The following MN1 variants were observed in gnomAD, a reference collection of about 807,000 sequenced individuals.
MN1 encodes the protein transcriptional activator MN1.
Under a neutral mutation model 86.9 loss-of-function variants are expected in MN1, and 19 were observed. That is an observed-to-expected ratio of 0.22 (90% CI 0.15 to 0.32). The LOEUF is 0.32. Among genes scored for constraint, MN1 ranks in the 10% least tolerant of loss-of-function variants. The pLI, the probability that MN1 is intolerant of heterozygous loss-of-function variation, is 1.00. For synonymous variants in MN1, 928 were observed against 849.6 expected (o/e 1.09, Z -1.60); for missense variants, 1,841 against 1,862.0 (o/e 0.99, Z 0.21).
Position 27,798,185 on chromosome 22 carries a change from G to A in MN1, c.2359C>T (p.Pro787Ser). The change falls in exon 1 of 2, where the codon CCG becomes TCG. Residue 787 changes from proline (P) to serine (S), a missense_variant. Pro to Ser is a moderately conservative substitution (Grantham distance 74). Coordinates refer to ENST00000302326, the MANE Select transcript of MN1 (RefSeq NM_002430.3). ...GGGGGGGAYP[P>S]QPDFQPSQRT... ...TGGCTGGGCTGGAAATCAGGCTGCGGCGGGTAGGCACCCCCGCCACCGCCG... is the reference window on the plus strand; with the variant it reads ...TGGCTGGGCTGGAAATCAGGCTGCGACGGGTAGGCACCCCCGCCACCGCCG... 1 of 1,559,216 alleles carries A rather than the reference G, an allele frequency of 6.4e-7. No homozygotes were observed. The highest frequency in any genetic ancestry group is 8.6e-7 in the Non-Finnish European group (1 of 1,160,014).
At chr22:27,773,068 A>G (rs1220786348) in intron 1 of MN1, among the ~76,000 whole-genome samples, 1 of 151,768 alleles carries the variant, frequency 6.6e-6, no homozygotes, top group Non-Finnish European at 1.5e-5. Flanking sequence ...GGCCCCGAAC[A>G]GGCCGGGAAG....
Position 27,797,428 on chromosome 22 carries a change from G to A in MN1, c.3116C>T (p.Pro1039Leu). Residue 1039 changes from proline to leucine, a missense_variant, in exon 1 of 2, where the codon CCA becomes CTA. Transcript: ENST00000302326. ...DGGAKSDSSS[P>L]NVGEFASDEV... ...GTCCGAGGCGAACTCACCCACGTTT[G>A]GCGAACTACTGTCCGACTTGGCCCC... is the stretch of plus-strand genomic sequence containing the variant. 1 of 1,610,252 alleles carries A rather than the reference G, an allele frequency of 6.2e-7. No homozygotes were observed. Among genetic ancestry groups the A allele is most frequent in the Non-Finnish European group, 8.5e-7 (1 of 1,178,734 alleles).
intron 1 of MN1, among the ~76,000 whole-genome samples, chr22:27,752,231 T>C (rs1932771989): frequency 6.6e-6 from 1 of 152,178 alleles, no homozygotes; most frequent in Admixed American, 6.5e-5. Context: ...CACCTCCTTA[T>C]GATGGCTAGT....
chr22:27,776,147 A>T (rs1386424899), intron 1 of MN1, among the ~76,000 whole-genome samples: 1 of 152,156 alleles, frequency 6.6e-6, no homozygotes, highest in Non-Finnish European at 1.5e-5. Flanking sequence ...ATCACCGGGC[A>T]CCACTAAATT....
intron 1 of MN1, among the ~76,000 whole-genome samples, chr22:27,766,309 C>T (rs757332857): frequency 4.4e-4 from 67 of 152,142 alleles, no homozygotes; most frequent in African/African-American, 1.5e-3. Flanking sequence ...GAGGATTGAG[C>T]GATGCTGACT....
intron 1 of MN1, among the ~76,000 whole-genome samples, chr22:27,795,708 T>A (rs184093321): frequency 7.0e-6 from 1 of 143,088 alleles, no homozygotes; most frequent in Admixed American, 6.9e-5. Flanking sequence ...TACCTATATA[T>A]ACACCTATAT....
chr22:27,771,107 T>A (rs1386492264), intron 1 of MN1, among the ~76,000 whole-genome samples: 1 of 151,774 alleles, frequency 6.6e-6, no homozygotes, highest in African/African-American at 2.4e-5. Flanking sequence ...GGTGGCAAAC[T>A]ACAGCCCAGT....
chr22:27,799,424 A>C lies in MN1; in HGVS notation c.1120T>G (p.Cys374Gly). ...TGGGGCCGAGGGAGCGCAGGCGGGC[A>C]CGAATTTTGTCGGACTAGAAGCCCG... ...PPGLLVRQNS[C>G]PPALPRPQQG... The change falls in exon 1 of 2, where the codon TGC becomes GGC. Residue 374 changes from cysteine (C) to glycine (G), a missense_variant. Physicochemically the swap from Cys to Gly is radical, Grantham distance 159. Coordinates refer to ENST00000302326, the MANE Select transcript of MN1 (RefSeq NM_002430.3). The C allele has an allele frequency of 6.8e-7, 1 of 1,478,588 alleles. No individual in the cohort carries two copies. Among genetic ancestry groups the C allele is most frequent in the East Asian group, 2.4e-5 (1 of 41,286 alleles). 91.6% of individuals were successfully genotyped at this position (1,478,588 alleles called of 1,614,324 possible). A position where few individuals can be genotyped will look rare whatever the true frequency, so the allele number is the denominator to read the frequency against.
In MN1 at chr22:27,799,559, G is replaced by A. The variant is rs1205058464; in HGVS notation, c.985C>T (p.Pro329Ser). The A allele has an allele frequency of 1.4e-6, 2 of 1,475,342 alleles. No individual in the cohort carries two copies. The highest frequency in any genetic ancestry group is 2.5e-5 in the Admixed American group (1 of 39,272). The allele number at this position is 1,475,342 out of a possible 1,614,324, so 91.4% of individuals were successfully genotyped here. The stretch of plus-strand genomic sequence containing the variant: ...AACGGGTGCCTGGAGCCCACTGAGG[G>A]CTCCAGACCCACAGGCATCTTTCTG... ...GARKMPVGLE[P>S]SVGSRHPLMQ... Residue 329 changes from proline to serine, a missense_variant, in exon 1 of 2, where the codon CCC becomes TCC. Coordinates refer to ENST00000302326, the MANE Select transcript of MN1 (RefSeq NM_002430.3).
intron 1 of MN1, among the ~76,000 whole-genome samples, chr22:27,775,290 T>A (rs772545779): frequency 6.6e-6 from 1 of 152,088 alleles, no homozygotes; most frequent in African/African-American, 2.4e-5. Flanking sequence ...ATCCAAACAC[T>A]GTATGTGAGT....
intron 1 of MN1, among the ~76,000 whole-genome samples, chr22:27,785,349 G>A (rs1252131600): frequency 1.3e-5 from 2 of 152,200 alleles, no homozygotes; most frequent in Non-Finnish European, 2.9e-5. Flanking sequence ...CAAAAACACA[G>A]GCAGGGATGG....
At position 27,748,632 on chromosome 22, in the gene MN1, A is replaced by G; in HGVS notation, c.*2283T>C. On this transcript the variant is annotated 3_prime_UTR_variant, in exon 2 of 2. Transcript: ENST00000302326. ...TAGGGTGTGTTTTTCATTTACTTTTATTCTTTCCATTAAACCAAATTTAAT... is the reference window on the plus strand; with the variant it reads ...TAGGGTGTGTTTTTCATTTACTTTTGTTCTTTCCATTAAACCAAATTTAAT... The G allele has an allele frequency of 9.5e-6, 2 of 210,576 alleles. No homozygotes were observed. Among genetic ancestry groups the G allele is most frequent in the Non-Finnish European group, 1.9e-5 (2 of 103,336 alleles). The allele number at this position is 210,576 out of a possible 1,614,324, so 13.0% of individuals were successfully genotyped here.
At chr22:27,778,509 G>A (rs536592982) in intron 1 of MN1, among the ~76,000 whole-genome samples, 1 of 152,226 alleles carries the variant, frequency 6.6e-6, no homozygotes, top group Non-Finnish European at 1.5e-5. Context: ...TGCAGGAGGA[G>A]AAGCATCTGT....
At chr22:27,753,547 C>T (rs1018912589) in intron 1 of MN1, among the ~76,000 whole-genome samples, 3 of 152,206 alleles carry the variant, frequency 2.0e-5, no homozygotes, top group Admixed American at 6.5e-5. Context: ...CCTAAAGCCC[C>T]ACTACTTCCT....
chr22:27,785,232 TGAA>T (rs748962063), intron 1 of MN1, among the ~76,000 whole-genome samples: 5 of 152,326 alleles, frequency 3.3e-5, no homozygotes, highest in Admixed American at 1.3e-4. Context: ...TGTCTCAATT[TGAA>T]AAGCGAGAAT....
intron 1 of MN1, among the ~76,000 whole-genome samples, chr22:27,769,446 C>G (rs1932896082): frequency 6.6e-6 from 1 of 151,684 alleles, no homozygotes; most frequent in Non-Finnish European, 1.5e-5. Flanking sequence ...CATTAAAACT[C>G]TGGATGGTGG....
Position 27,798,253 on chromosome 22 carries a change from T to C in MN1, c.2291A>G (p.Asn764Ser). 1 of 1,521,172 alleles carries C rather than the reference T, an allele frequency of 6.6e-7. No individual in the cohort carries two copies. The highest frequency in any genetic ancestry group is 2.2e-4 in the Middle Eastern group (1 of 4,532). The allele number at this position is 1,521,172 out of a possible 1,614,324, so 94.2% of individuals were successfully genotyped here. A position where few individuals can be genotyped will look rare whatever the true frequency, so the allele number is the denominator to read the frequency against. ...QSTPHSGPGVNSPPSAGGGGG... is the reference protein window; with the variant it reads ...QSTPHSGPGVSSPPSAGGGGG... ...GCCCCCTCCCGCGCTGGGGGGCGAG[T>C]TCACGCCTGGACCGCTGTGCGGCGT... The change falls in exon 1 of 2, where the codon AAC (asparagine) becomes AGC (serine). Residue 764 changes from asparagine to serine, a missense_variant. Transcript: ENST00000302326.
chr22:27,796,994 C>G lies in MN1; in HGVS notation c.3550G>C (p.Glu1184Gln), dbSNP rs45589739. 6,912 of 1,612,628 alleles carry G rather than the reference C, an allele frequency of 4.3e-3. 18 individuals are homozygous for G. The highest frequency in any genetic ancestry group is 5.0e-3 in the Non-Finnish European group (5,854 of 1,179,698). Reference protein sequence around the residue: ...PLGLKGGKKGECAVGASGAQN... With the variant: ...PLGLKGGKKGQCAVGASGAQN... ...GCCCCTGAGGCCCCGACGGCGCACT[C>G]ACCCTTCTTGCCACCCTTCAGCCCC... The change falls in exon 1 of 2, where the codon GAG (glutamate) becomes CAG (glutamine). Residue 1184 changes from glutamate (E) to glutamine (Q), a missense_variant. Transcript: ENST00000302326.
chr22:27,800,370 G>T lies in MN1; in HGVS notation c.174C>A (p.Pro58=), dbSNP rs750789545. 6.2e-7 allele frequency: 1 copy of T among 1,610,562 alleles called. No homozygotes were observed. The highest frequency in any genetic ancestry group is 1.3e-5 in the African/African-American group (1 of 74,842). Reference sequence around the variant, plus strand: ...GCTCCATGTTCATGCCCAAGATCGGGGGTTCGCCCAGCGCGCTCATAGCAG... The same window carrying T: ...GCTCCATGTTCATGCCCAAGATCGGTGGTTCGCCCAGCGCGCTCATAGCAG... The part of the protein sequence containing the change: ...VDPAMSALGE[P]PILGMNMEPY... Residue 58 remains proline (P), a synonymous_variant, in exon 1 of 2, where the codon CCC becomes CCA. Transcript: ENST00000302326.
Sources: allele counts gnomAD v4.1 joint callset (sites outside exome capture counted in the v4.1 genomes callset), GRCh38; gene constraint gnomAD v4.1.1; transcripts MANE v1.5; gene names NCBI Gene and HGNC (gene_info 2026-07-23, HGNC 2026-07-21).